GALNT13: variants seen among roughly 807,000 people sequenced by gnomAD.
GALNT13 encodes polypeptide N-acetylgalactosaminyltransferase 13.
In GALNT13, 28 loss-of-function variants were observed where a neutral mutation model predicts 64.2. That is an observed-to-expected ratio of 0.44 (90% CI 0.32 to 0.60). The LOEUF is 0.60. Ranked by LOEUF, GALNT13 falls within the 20% of genes least tolerant of loss-of-function variation. The pLI is 0.05. For synonymous variants in GALNT13, 214 were observed against 224.6 expected (o/e 0.95, Z 0.42); for missense variants, 577 against 669.8 (o/e 0.86, Z 1.53).
intron 2 of GALNT13, among the ~76,000 whole-genome samples, chr2:153,934,182 T>C (rs1299154298): frequency 6.6e-6 from 1 of 152,184 alleles, no homozygotes; most frequent in Non-Finnish European, 1.5e-5. Context: ...GTTGGATAAA[T>C]GAAAGGAATA....
chr2:154,228,491 A>G (rs1410935859), intron 4 of GALNT13, among the ~76,000 whole-genome samples: 1 of 152,118 alleles, frequency 6.6e-6, no homozygotes, highest in African/African-American at 2.4e-5. Context: ...TATTTCTGAA[A>G]TCGTCCCCTG....
At chr2:153,330,830 G>A in the GALNT13 span, among the ~76,000 whole-genome samples, 2 of 152,144 alleles carry the variant, frequency 1.3e-5, no homozygotes, top group Non-Finnish European at 2.9e-5. Context: ...TAGCAGTAGT[G>A]ACAGTGGGCA....
intron 3 of GALNT13, among the ~76,000 whole-genome samples, chr2:153,968,369 T>C (rs1693516574): frequency 3.3e-5 from 5 of 152,212 alleles, no homozygotes; most frequent in Admixed American, 2.6e-4. Flanking sequence ...TGGCCCTGGC[T>C]TCAATGCAAA....
chr2:153,749,602 G>A, the GALNT13 span, among the ~76,000 whole-genome samples: 8 of 151,866 alleles, frequency 5.3e-5, no homozygotes, highest in African/African-American at 1.7e-4. Context: ...TGTGGCTATT[G>A]TAAATGGGAT....
At chr2:153,710,065 G>A in the GALNT13 span, among the ~76,000 whole-genome samples, 15 of 152,106 alleles carry the variant, frequency 9.9e-5, no homozygotes, top group South Asian at 3.1e-3. Flanking sequence ...CTATCGCACA[G>A]CATGGTGAAT....
At chr2:154,081,959 A>G (rs912093932) in intron 3 of GALNT13, among the ~76,000 whole-genome samples, 4 of 151,642 alleles carry the variant, frequency 2.6e-5, no homozygotes, top group South Asian at 4.1e-4. Flanking sequence ...GAATATGACA[A>G]ATTTCTTCTA....
the GALNT13 span, among the ~76,000 whole-genome samples, chr2:153,450,431 A>T: frequency 2.0e-5 from 3 of 152,174 alleles, no homozygotes; most frequent in African/African-American, 7.2e-5. Flanking sequence ...CAAATTTAAC[A>T]CTAGGAGGCT....
At chr2:153,301,496 A>T in the GALNT13 span, among the ~76,000 whole-genome samples, 1 of 152,038 alleles carries the variant, frequency 6.6e-6, no homozygotes, top group Non-Finnish European at 1.5e-5. Flanking sequence ...TGGCTAATTC[A>T]AGCTAATGTA....
intron 7 of GALNT13, among the ~76,000 whole-genome samples, chr2:154,254,552 A>G (rs1014251976): frequency 3.3e-5 from 5 of 152,194 alleles, no homozygotes; most frequent in African/African-American, 1.2e-4. Flanking sequence ...AAGTATCACT[A>G]TGATAACAGA....
At chr2:153,228,899 A>T in the GALNT13 span, among the ~76,000 whole-genome samples, 23 of 150,484 alleles carry the variant, frequency 1.5e-4, no homozygotes, top group African/African-American at 5.6e-4. Flanking sequence ...AAAAAAGTAG[A>T]TACCGCTTGT....
At chr2:153,537,559 C>G in the GALNT13 span, among the ~76,000 whole-genome samples, 1 of 152,106 alleles carries the variant, frequency 6.6e-6, no homozygotes, top group Admixed American at 6.6e-5. Flanking sequence ...GAAGCAAAAG[C>G]TTTTCTGTGA....
At chr2:154,303,076 C>T (rs185096637) in intron 9 of GALNT13, among the ~76,000 whole-genome samples, 5 of 152,178 alleles carry the variant, frequency 3.3e-5, no homozygotes, top group Admixed American at 1.3e-4. Context: ...GAAGCGGCTA[C>T]GTTGTCTGGA....
chr2:153,659,972 G>A, the GALNT13 span, among the ~76,000 whole-genome samples: 28 of 152,070 alleles, frequency 1.8e-4, no homozygotes, highest in African/African-American at 6.5e-4. Flanking sequence ...TAAAAATGCT[G>A]GTTGTCTTCC....
chr2:153,312,611 A>C, the GALNT13 span, among the ~76,000 whole-genome samples: 1 of 152,206 alleles, frequency 6.6e-6, no homozygotes, highest in Non-Finnish European at 1.5e-5. Flanking sequence ...TCATGTTTGC[A>C]AAAGTGGCAG....
intron 4 of GALNT13, among the ~76,000 whole-genome samples, chr2:154,176,685 A>G (rs909065385): frequency 1.3e-5 from 2 of 152,168 alleles, no homozygotes; most frequent in African/African-American, 4.8e-5. Context: ...TAAAACCAGG[A>G]AGAGGAAAAC....
the GALNT13 span, among the ~76,000 whole-genome samples, chr2:153,785,020 C>T: frequency 2.6e-5 from 4 of 152,142 alleles, no homozygotes; most frequent in Admixed American, 2.0e-4. Flanking sequence ...AGTCTCCAGA[C>T]TGAGGTGAGG....
the GALNT13 span, among the ~76,000 whole-genome samples, chr2:153,583,226 GAGAA>G: frequency 6.6e-6 from 1 of 152,166 alleles, no homozygotes; most frequent in African/African-American, 2.4e-5. Flanking sequence ...ATGAAGAAAG[GAGAA>G]AGAAAGCTGA....
At chr2:154,007,998 T>C (rs2105238882) in intron 3 of GALNT13, among the ~76,000 whole-genome samples, 1 of 149,142 alleles carries the variant, frequency 6.7e-6, no homozygotes, top group South Asian at 2.1e-4. Flanking sequence ...CCCCAACTAT[T>C]CTCATGGTTA....
chr2:154,101,308 T>G (rs899829786), intron 3 of GALNT13, among the ~76,000 whole-genome samples: 1 of 151,966 alleles, frequency 6.6e-6, no homozygotes, highest in Non-Finnish European at 1.5e-5. Context: ...TTGTAATAAT[T>G]TTATTACAAG....
Sources: allele counts gnomAD v4.1 joint callset (sites outside exome capture counted in the v4.1 genomes callset), GRCh38; gene constraint gnomAD v4.1.1; transcripts MANE v1.5; gene names NCBI Gene and HGNC (gene_info 2026-07-23, HGNC 2026-07-21).